The following SMCHD1 variants were observed in gnomAD, a reference collection of about 807,000 sequenced individuals.
SMCHD1 encodes structural maintenance of chromosomes flexible hinge domain-containing protein 1.
Under a neutral mutation model 254.7 loss-of-function variants are expected in SMCHD1, and 78 were observed. That is an observed-to-expected ratio of 0.31 (90% confidence interval 0.26 to 0.37). The LOEUF is 0.37. Ranked by LOEUF, SMCHD1 falls within the 10% of genes least tolerant of loss-of-function variation. The pLI is 1.00. For missense variants in SMCHD1, 1,840 were observed against 2,408.1 expected, an observed-to-expected ratio of 0.76 and a Z score of 4.94; for synonymous variants, 766 against 794.9, an observed-to-expected ratio of 0.96 and a Z score of 0.61.
At chr18:2,725,207 A>G (rs1319176248) in intron 21 of SMCHD1, among the ~76,000 whole-genome samples, 1 of 152,028 alleles carries the variant, frequency 6.6e-6, no homozygotes, top group Non-Finnish European at 1.5e-5. Flanking sequence ...TTGATTAAAC[A>G]TGAATTAAAT....
At chr18:2,734,473 T>C (rs1014701912) in intron 25 of SMCHD1, among the ~76,000 whole-genome samples, 1 of 152,144 alleles carries the variant, frequency 6.6e-6, no homozygotes, top group East Asian at 1.9e-4. Context: ...GAGTACTCCA[T>C]TTTACTTAAG....
chr18:2,658,582 G>A (rs1410680426), intron 1 of SMCHD1, among the ~76,000 whole-genome samples: 1 of 152,132 alleles, frequency 6.6e-6, no homozygotes, highest in Non-Finnish European at 1.5e-5. Context: ...AGTTAGAAAT[G>A]AGAGGGACCA....
chr18:2,751,005 C>CA (rs1219121365), intron 32 of SMCHD1, among the ~76,000 whole-genome samples: 12 of 151,938 alleles, frequency 7.9e-5, no homozygotes, highest in Non-Finnish European at 1.0e-4. Context: ...TATCGAAAAT[C>CA]ATACAAGAAA....
At chr18:2,747,069 T>C (rs2075468310) in intron 29 of SMCHD1, among the ~76,000 whole-genome samples, 1 of 152,182 alleles carries the variant, frequency 6.6e-6, no homozygotes, top group Non-Finnish European at 1.5e-5. Flanking sequence ...AAACTACAGA[T>C]TGCCAATGCT....
chr18:2,729,489 C>CA, intron 24 of SMCHD1, 80 bp downstream of exon 24: 1 of 1,113,140 alleles, frequency 9.0e-7, no homozygotes. Context: ...ACATTTTTTG[C>CA]AAAATTGTTA....
At chr18:2,769,885 G>A in intron 38 of SMCHD1, 65 bp downstream of exon 38, 1 of 1,552,296 alleles carries the variant, frequency 6.4e-7, no homozygotes, top group Non-Finnish European at 8.7e-7. Context: ...ACCTTGTTTT[G>A]CTTTCCATTA....
intron 44 of SMCHD1, among the ~76,000 whole-genome samples, chr18:2,780,238 TAAAAAAAAA>T (rs56804553): frequency 2.9e-5 from 2 of 69,352 alleles, no homozygotes; most frequent in Non-Finnish European, 2.5e-5. Flanking sequence ...AGACTCTATC[TAAAAAAAAA>T]AAAAAAAAAA....
At chr18:2,747,035 T>TG (rs2075467710) in intron 29 of SMCHD1, among the ~76,000 whole-genome samples, 1 of 152,210 alleles carries the variant, frequency 6.6e-6, no homozygotes, top group Non-Finnish European at 1.5e-5. Context: ...AGCAGAGAGC[T>TG]GAACACTGAC....
At chr18:2,678,252 T>C (rs28470373) in intron 5 of SMCHD1, among the ~76,000 whole-genome samples, 1 of 121,324 alleles carries the variant, frequency 8.2e-6, no homozygotes, top group Non-Finnish European at 1.8e-5. Flanking sequence ...TCGTTCTTTC[T>C]TTCTCTCTCT....
chr18:2,710,183 C>T (rs2074634581), intron 17 of SMCHD1, among the ~76,000 whole-genome samples: 1 of 152,310 alleles, frequency 6.6e-6, no homozygotes, highest in Admixed American at 6.5e-5. Flanking sequence ...TTTTGGCCCA[C>T]TTGTTGAAAG....
chr18:2,728,375 TGTTAAA>T, intron 22 of SMCHD1, 76 bp from the exon 23 acceptor site: 1 of 1,314,870 alleles, frequency 7.6e-7, no homozygotes, highest in South Asian at 1.3e-5. Context: ...AAGTCTTTAA[TGTTAAA>T]GTTATTTCTT....
At position 2,803,198 on chromosome 18, in the gene SMCHD1, G is replaced by GTGTATATA. The variant is rs376999188; in HGVS notation, c.*647_*648insGTATATAT. 1.1e-4 allele frequency: 15 copies of GTGTATATA among 136,514 alleles called. No individual in the cohort carries two copies. In the East Asian group the frequency reaches 1.3e-3, roughly 12 times the overall value. 8.5% of individuals were successfully genotyped at this position (136,514 alleles called of 1,614,324 possible). On this transcript the variant is annotated 3_prime_UTR_variant, in exon 48 of 48. Transcript: ENST00000320876. ...ACTTATCCTGTGTGTGTGTGTGTGT[G>GTGTATATA]TATATATATATATATATATAAATAT...
At chr18:2,680,036 A>G (rs1050463447) in intron 5 of SMCHD1, among the ~76,000 whole-genome samples, 16 of 152,074 alleles carry the variant, frequency 1.1e-4, no homozygotes, top group African/African-American at 3.4e-4. Flanking sequence ...CAGAATTTCT[A>G]TTCAGTTCTT....
At chr18:2,762,748 A>C (rs1486592408) in intron 36 of SMCHD1, among the ~76,000 whole-genome samples, 1 of 152,122 alleles carries the variant, frequency 6.6e-6, no homozygotes, top group Non-Finnish European at 1.5e-5. Flanking sequence ...TCAGCCTTCC[A>C]AAGTGCTGGG....
chr18:2,780,780 G>C (rs774364275), intron 44 of SMCHD1, among the ~76,000 whole-genome samples: 1 of 152,208 alleles, frequency 6.6e-6, no homozygotes, highest in Non-Finnish European at 1.5e-5. Context: ...CTATATGAAT[G>C]TGGTGTTCAG....
intron 17 of SMCHD1, among the ~76,000 whole-genome samples, chr18:2,710,566 G>A (rs538132627): frequency 2.0e-5 from 3 of 151,866 alleles, no homozygotes; most frequent in African/African-American, 7.3e-5. Context: ...GCTATACCAG[G>A]GTTTTTTTTA....
chr18:2,666,435 A>G (rs2073441063), intron 2 of SMCHD1, among the ~76,000 whole-genome samples: 1 of 152,216 alleles, frequency 6.6e-6, no homozygotes, highest in Non-Finnish European at 1.5e-5. Flanking sequence ...AATAGTTGAT[A>G]TCAGTTATGG....
rs1262796036 is a variant in SMCHD1 at position 2,750,333 on chromosome 18, C to T, written c.4008-17C>T. 1.3e-6 allele frequency: 2 copies of T among 1,592,050 alleles called. No individual in the cohort carries two copies. Among genetic ancestry groups the T allele is most frequent in the South Asian group, 1.1e-5 (1 of 87,212 alleles). On this transcript the variant is annotated splice_polypyrimidine_tract_variant and intron_variant, in intron 31 of 47. Transcript: ENST00000320876. ...AACTAATGTAATTTGAACCCCTCTC[C>T]TCTTTTGTTTTGTTAGGGGAGAGCA...
At chr18:2,731,493 A>G (rs1361979125) in intron 24 of SMCHD1, among the ~76,000 whole-genome samples, 1 of 152,164 alleles carries the variant, frequency 6.6e-6, no homozygotes, top group Non-Finnish European at 1.5e-5. Flanking sequence ...TCTGGCTATA[A>G]ACAACCTTGA....
Sources: gnomAD v4.1 joint callset for allele counts (sites outside exome capture counted in the v4.1 genomes callset) on GRCh38, gnomAD v4.1.1 for gene constraint, MANE v1.5 for transcripts, NCBI Gene and HGNC (gene_info 2026-07-23, HGNC 2026-07-21) for gene names.